The following ZNF212 variants were observed in gnomAD, a reference collection of about 807,000 sequenced individuals.
ZNF212 encodes the protein zinc finger protein 212.
ZNF212 carries 32 observed loss-of-function variants against 47.3 expected under a neutral mutation model. That is an observed-to-expected ratio of 0.68 (90% CI 0.51 to 0.91). The LOEUF (loss-of-function observed/expected upper bound fraction) is 0.91. ZNF212 is among the 40% of genes least tolerant of loss of function. ZNF212 has a pLI of 0.00. For synonymous variants in ZNF212, 242 were observed against 253.8 expected (o/e 0.95, Z 0.44); for missense variants, 555 against 622.8 (o/e 0.89, Z 1.16).
intron 1 of ZNF212, among the ~76,000 whole-genome samples, chr7:149,246,561 T>C (rs1040568891): frequency 3.3e-5 from 5 of 152,180 alleles, no homozygotes; most frequent in Admixed American, 6.5e-5. Flanking sequence ...TTTGTTTTTG[T>C]ATTTTTAGTA....
Position 149,254,246 on chromosome 7 carries a change from C to A in ZNF212, c.1319C>A (p.Ser440Tyr). ...TGTGGCAAGAGCTTCAGTCACCCAT[C>A]TGACTTGGTGCGGCACCAGCGCATC... Reference protein sequence around the residue: ...GYCGKSFSHPSDLVRHQRIHT... With the variant: ...GYCGKSFSHPYDLVRHQRIHT... Residue 440 changes from serine to tyrosine, a missense_variant, in exon 5 of 5, where the codon TCT (serine) becomes TAT (tyrosine). By Grantham distance (144) the Ser-to-Tyr change is moderately radical. Coordinates refer to ENST00000335870, the MANE Select transcript of ZNF212 (RefSeq NM_012256.4). The surrounding 1 kb of genome is among the most constrained non-coding windows in gnomAD (Gnocchi z 4.5). 1 of 1,614,246 alleles carries A rather than the reference C, an allele frequency of 6.2e-7. No homozygotes were observed. The highest frequency in any genetic ancestry group is 8.5e-7 in the Non-Finnish European group (1 of 1,180,038).
chr7:149,253,977 G>A lies in ZNF212; in HGVS notation c.1050G>A (p.Glu350=), dbSNP rs757281690. The A allele has an allele frequency of 6.2e-7, 1 of 1,614,004 alleles. No homozygotes were observed. Among genetic ancestry groups the A allele is most frequent in the Admixed American group, 1.7e-5 (1 of 60,020 alleles). ...GGTCTTGTACACCTGAGGAGCCAGA[G>A]GAGAGCCTTAGGCCCAGGCCACGGC... ...GWGSCTPEEP[E]ESLRPRPRLK... Residue 350 remains glutamate, a synonymous_variant, in exon 5 of 5, where the codon GAG becomes GAA. Transcript: ENST00000335870.
chr7:149,254,199 G>T lies in ZNF212; in HGVS notation c.1272G>T (p.Arg424=), dbSNP rs1409622742. 1 of 1,614,254 alleles carries T rather than the reference G, an allele frequency of 6.2e-7. No individual in the cohort carries two copies. Among genetic ancestry groups the T allele is most frequent in the South Asian group, 1.1e-5 (1 of 91,086 alleles). The change falls in exon 5 of 5, where the codon CGG becomes CGT. Residue 424 remains arginine, a synonymous_variant. Transcript: ENST00000335870. The surrounding 1 kb of genome is among the most constrained non-coding windows in gnomAD (Gnocchi z 4.5). The part of the protein sequence containing the change: ...LPGHIPWRKS[R]SSLICGYCGK... ...GCCACATCCCTTGGAGGAAAAGCCG[G>T]AGTTCCCTCATCTGTGGTTACTGTG...
Position 149,251,941 on chromosome 7 carries a change from TAA to T in ZNF212, c.542-744_542-743del, listed in dbSNP as rs36067111. ...TCGACATAGTGAGATCTCTGTTGCT[TAA>T]AAAAAAAAAAAAAAAAAAAAGATGA... is the stretch of plus-strand genomic sequence containing the variant. On this transcript the variant is annotated intron_variant, in intron 3 of 4. Coordinates refer to ENST00000335870, the MANE Select transcript of ZNF212 (RefSeq NM_012256.4). 6.7e-3 allele frequency among the ~76,000 whole-genome samples: 738 copies of T among 109,516 alleles called. 11 individuals are homozygous for T. Among genetic ancestry groups the T allele is most frequent in the African/African-American group, 0.024 (679 of 28,576 alleles). The allele number at this position is 109,516 out of a possible 152,430, so 71.8% of individuals were successfully genotyped here. A position where few individuals can be genotyped will look rare whatever the true frequency, so the allele number is the denominator to read the frequency against.
intron 1 of ZNF212, among the ~76,000 whole-genome samples, chr7:149,240,905 G>A (rs912515352): frequency 6.6e-6 from 1 of 152,222 alleles, no homozygotes; most frequent in African/African-American, 2.4e-5. Flanking sequence ...AGAGAACACA[G>A]TATTTGCTTT....
chr7:149,245,767 C>T lies in ZNF212; in HGVS notation c.25-4392C>T, dbSNP rs143035131. On this transcript the variant is annotated intron_variant, in intron 1 of 4. Coordinates refer to ENST00000335870, the MANE Select transcript of ZNF212 (RefSeq NM_012256.4). ...AGCTGTCCTCCCGCCTCAAGCCTCC[C>T]GAAGTGCTGGGATTACAGACTCGAG... Among the ~76,000 whole-genome samples the T allele has an allele frequency of 1.7e-3, 259 of 152,260 alleles. 2 individuals carry two copies. The highest frequency in any genetic ancestry group is 5.7e-3 in the African/African-American group (237 of 41,546).
intron 1 of ZNF212, among the ~76,000 whole-genome samples, chr7:149,245,646 T>C (rs1394162896): frequency 6.6e-6 from 1 of 152,122 alleles, no homozygotes. Flanking sequence ...GCTGGAACTA[T>C]AGGCACCTGT....
chr7:149,254,068 A>C lies in ZNF212; in HGVS notation c.1141A>C (p.Lys381Gln). ...TGTGTGCCTGAGGAGCTTCAGCTGC[A>C]AGGTGAGCCTGGTGACCCATCAGCG... ...CDVCLRSFSC[K>Q]VSLVTHQRCH... The change falls in exon 5 of 5, where the codon AAG becomes CAG. Residue 381 changes from lysine (K) to glutamine (Q), a missense_variant. Lys to Gln is a moderately conservative substitution (Grantham distance 53, BLOSUM62 1). Transcript: ENST00000335870. The surrounding 1 kb of genome is among the most constrained non-coding windows in gnomAD (Gnocchi z 4.5). The C allele has an allele frequency of 6.2e-7, 1 of 1,612,936 alleles. No homozygotes were observed. Among genetic ancestry groups the C allele is most frequent in the Non-Finnish European group, 8.5e-7 (1 of 1,179,450 alleles).
At position 149,239,787 on chromosome 7, in the gene ZNF212, G is replaced by T. The variant is rs11548535; in HGVS notation, c.9G>T (p.Glu3Asp). 0.13 allele frequency: 169,861 copies of T among 1,274,170 alleles called. 12,266 individuals carry two copies. The highest frequency in any genetic ancestry group is 0.15 in the Non-Finnish European group (146,964 of 1,002,436). The allele number at this position is 1,274,170 out of a possible 1,614,324, so 78.9% of individuals were successfully genotyped here. Residue 3 changes from glutamate (E) to aspartate (D), a missense_variant, in exon 1 of 5, where the codon GAG becomes GAT. Coordinates refer to ENST00000335870, the MANE Select transcript of ZNF212 (RefSeq NM_012256.4). The part of the protein sequence containing the change: MA[E>D]SAPARHRRKR... Reference sequence around the variant, plus strand: ...GAGGGGCGACTGGAGCCATGGCGGAGTCGGCGCCTGCTCGGGTAAAGAGGC... The same window carrying T: ...GAGGGGCGACTGGAGCCATGGCGGATTCGGCGCCTGCTCGGGTAAAGAGGC...
intron 4 of ZNF212, 66 bp downstream of exon 4, chr7:149,252,861 A>G: frequency 6.6e-7 from 1 of 1,525,664 alleles, no homozygotes; most frequent in Non-Finnish European, 9.0e-7. Flanking sequence ...GAGCTTTCCC[A>G]CGGCTGAAGT....
chr7:149,250,691 C>G lies in ZNF212; in HGVS notation c.425C>G (p.Ser142Ter). ...SKGEAPKVSR[S>*]LENDGVCFTE... ...CATTGGTGATTCCAGGTGTCCAGGT[C>G]ACTGGAGAATGATGGCGTCTGTTTC... The change falls in exon 3 of 5, where the codon TCA becomes TGA. Residue 142 changes from serine (S) to a stop codon, truncating the protein, a stop_gained. Coordinates refer to ENST00000335870, the MANE Select transcript of ZNF212 (RefSeq NM_012256.4). LOFTEE classifies it high-confidence loss of function. 6.2e-7 allele frequency: 1 copy of G among 1,614,170 alleles called. No homozygotes were observed. Among genetic ancestry groups the G allele is most frequent in the Non-Finnish European group, 8.5e-7 (1 of 1,180,040 alleles).
rs1796816442 is a variant in ZNF212, at chr7:149,255,096, T to G, written c.*681T>G. 1 of 152,166 alleles carries G rather than the reference T, an allele frequency of 6.6e-6. No homozygotes were observed. Among genetic ancestry groups the G allele is most frequent in the South Asian group, 2.1e-4 (1 of 4,830 alleles). The allele number at this position is 152,166 out of a possible 1,614,324, so 9.4% of individuals were successfully genotyped here. On this transcript the variant is annotated 3_prime_UTR_variant, in exon 5 of 5. Transcript: ENST00000335870. The stretch of plus-strand genomic sequence containing the variant: ...GGAGAGCAGGGGACACGGTGCTAGG[T>G]TCCCTCGTGCAGTGCCTGGTGCTCT...
chr7:149,250,578 G>T, intron 2 of ZNF212, 30 bp downstream of exon 2: 1 of 1,603,796 alleles, frequency 6.2e-7, no homozygotes. Flanking sequence ...AAAGTTAGAA[G>T]AGAAGGGGGA....
chr7:149,245,976 G>T (rs1183952417), intron 1 of ZNF212, among the ~76,000 whole-genome samples: 2 of 152,144 alleles, frequency 1.3e-5, no homozygotes, highest in East Asian at 3.8e-4. Flanking sequence ...TTTCATGTTT[G>T]TCAGTCTGAT....
At chr7:149,250,611 A>G in intron 2 of ZNF212, 63 bp downstream of exon 2, 1 of 1,608,414 alleles carries the variant, frequency 6.2e-7, no homozygotes, top group Non-Finnish European at 8.5e-7. Context: ...ATATGTAAGC[A>G]CCTCAGTTGC....
chr7:149,247,170 G>A (rs1211895960), intron 1 of ZNF212, among the ~76,000 whole-genome samples: 1 of 149,622 alleles, frequency 6.7e-6, no homozygotes, highest in Non-Finnish European at 1.5e-5. Context: ...GTGCAGTAGT[G>A]TGATCATGGT....
Position 149,254,037 on chromosome 7 carries a change from G to C in ZNF212, c.1110G>C (p.Gln370His). 6.2e-7 allele frequency: 1 copy of C among 1,612,986 alleles called. No homozygotes were observed. Among genetic ancestry groups the C allele is most frequent in the South Asian group, 1.1e-5 (1 of 90,880 alleles). The change falls in exon 5 of 5, where the codon CAG becomes CAC. Residue 370 changes from glutamine to histidine, a missense_variant. Transcript: ENST00000335870. The surrounding 1 kb of genome is among the most constrained non-coding windows in gnomAD (Gnocchi z 4.5). ...KPQTKKAKLH[Q>H]CDVCLRSFSC... is the part of the protein sequence containing the mutation. ...AGACCAAAAAGGCCAAGCTGCATCA[G>C]TGTGATGTGTGCCTGAGGAGCTTCA...
chr7:149,240,636 A>G (rs1243945578), intron 1 of ZNF212, among the ~76,000 whole-genome samples: 2 of 152,130 alleles, frequency 1.3e-5, no homozygotes, highest in Non-Finnish European at 2.9e-5. Flanking sequence ...ACATTCTCAT[A>G]CTGTTCCCAT....
intron 1 of ZNF212, among the ~76,000 whole-genome samples, chr7:149,245,841 G>A (rs527674286): frequency 2.8e-4 from 42 of 152,214 alleles, no homozygotes; most frequent in African/African-American, 1.0e-3. Flanking sequence ...TAGGTAAAAG[G>A]GTTTTTAATG....
Sources: gnomAD v4.1 joint callset for allele counts (sites outside exome capture counted in the v4.1 genomes callset) on GRCh38, gnomAD v4.1.1 for gene constraint, Gnocchi (gnomAD v3.1) non-coding constraint, MANE v1.5 for transcripts, NCBI Gene and HGNC (gene_info 2026-07-23, HGNC 2026-07-21) for gene names.